Variants in CPXM2 observed in about 807,000 individuals in gnomAD.
CPXM2 encodes the protein inactive carboxypeptidase-like protein X2.
A neutral mutation model predicts 86.1 loss-of-function variants in CPXM2; 66 were observed. That is an observed-to-expected ratio of 0.77 (90% CI 0.63 to 0.94). The LOEUF (loss-of-function observed/expected upper bound fraction) is 0.94. Among genes scored for constraint, CPXM2 ranks in the 40% least tolerant of loss-of-function variants. The pLI is 0.00. For missense variants in CPXM2, 948 were observed against 1,026.3 expected (o/e 0.92, Z 1.04); for synonymous variants, 388 against 400.2 (o/e 0.97, Z 0.36).
chr10:123,790,067 A>G (rs1847171315), intron 6 of CPXM2, among the ~76,000 whole-genome samples: 1 of 152,110 alleles, frequency 6.6e-6, no homozygotes, highest in Non-Finnish European at 1.5e-5. Flanking sequence ...GCAGTGAGCC[A>G]AGATCGCACC....
chr10:123,868,135 ACCC>A, intron 2 of CPXM2, among the ~76,000 whole-genome samples: 1 of 152,160 alleles, frequency 6.6e-6, no homozygotes, highest in South Asian at 2.1e-4. Context: ...TGTCAGCCCC[ACCC>A]TGGGCTGGCA....
chr10:123,752,459 A>C (rs1311066130), intron 13 of CPXM2: 19 of 985,262 alleles, frequency 1.9e-5, no homozygotes, highest in Non-Finnish European at 2.0e-5. Context: ...GTGGCATTTT[A>C]GACACATTTC....
chr10:123,928,899 G>A lies in CPXM2; in HGVS notation n.174+10578C>T, dbSNP rs1337029018. Among the ~76,000 whole-genome samples the A allele has an allele frequency of 5.3e-5, 8 of 152,340 alleles. 1 individual carries two copies. In the South Asian group the frequency reaches 1.7e-3, roughly 32 times the overall value. On this transcript the variant is annotated intron_variant and non_coding_transcript_variant, in intron 2 of 19. Coordinates refer to the CPXM2 transcript ENST00000368854. ...CCGTTGAAAAATATACTTGGTTTAT[G>A]CCACTAAGTTTGAGGTGGTTTATTA...
chr10:123,880,145 T>TTGGGGGGCCCCCCCC, intron 2 of CPXM2, 66 bp downstream of exon 2: 3 of 407,580 alleles, frequency 7.4e-6, no homozygotes, highest in East Asian at 4.9e-5. Flanking sequence ...CAGGGGCCTG[T>TTGGGGGGCCCCCCCC]ACCCACCCAC....
Position 123,891,729 on chromosome 10 carries a change from A to G in CPXM2, c.-70T>C. The stretch of plus-strand genomic sequence containing the variant: ...GCGCCGGGCGGGCTGCGGGCGCAGA[A>G]GCTGGCGCGGGGCAAGGGCGCAGGG... On this transcript the variant is annotated 5_prime_UTR_variant, in exon 1 of 14. Transcript: ENST00000241305. The surrounding 1 kb of genome is among the most constrained non-coding windows in gnomAD (Gnocchi z 5.6). The G allele has an allele frequency of 3.3e-6, 4 of 1,221,176 alleles. No homozygotes were observed. The highest frequency in any genetic ancestry group is 4.2e-6 in the Non-Finnish European group (4 of 955,826). The allele number at this position is 1,221,176 out of a possible 1,614,324, so 75.6% of individuals were successfully genotyped here. A position where few individuals can be genotyped will look rare whatever the true frequency, so the allele number is the denominator to read the frequency against.
At chr10:123,806,641 G>A (rs1004235864) in intron 4 of CPXM2, among the ~76,000 whole-genome samples, 13 of 152,156 alleles carry the variant, frequency 8.5e-5, no homozygotes, top group Non-Finnish European at 1.6e-4. Flanking sequence ...AAGGAAAGAT[G>A]TTTAGTTGGC....
intron 9 of CPXM2, among the ~76,000 whole-genome samples, chr10:123,767,741 G>T (rs1017935869): frequency 1.3e-5 from 2 of 152,018 alleles, no homozygotes; most frequent in African/African-American, 4.8e-5. Context: ...ACATAATTCT[G>T]TACATATGCA....
chr10:123,870,420 A>G (rs1944873711), intron 2 of CPXM2, among the ~76,000 whole-genome samples: 1 of 152,192 alleles, frequency 6.6e-6, no homozygotes, highest in South Asian at 2.1e-4. Flanking sequence ...GCTGCCAAGA[A>G]CAAACTCACA....
At chr10:123,767,847 G>A (rs1293330087) in intron 9 of CPXM2, among the ~76,000 whole-genome samples, 1 of 152,134 alleles carries the variant, frequency 6.6e-6, no homozygotes, top group Non-Finnish European at 1.5e-5. Flanking sequence ...ACTATCCTCA[G>A]AAGACTGATG....
rs998223845 is a variant in CPXM2 at position 123,828,940 on chromosome 10, T to C, written c.653+13409A>G. Among the ~76,000 whole-genome samples, 4 of 152,250 alleles carry C rather than the reference T, an allele frequency of 2.6e-5. 1 individual carries two copies. The highest frequency in any genetic ancestry group is 2.4e-5 in the African/African-American group (1 of 41,550). On this transcript the variant is annotated intron_variant, in intron 4 of 13. Coordinates refer to ENST00000241305, the MANE Select transcript of CPXM2 (RefSeq NM_198148.3). The stretch of plus-strand genomic sequence containing the variant: ...CCTAAGAAGACAGAAAGACAAAATA[T>C]TGACTGGGAGAAAATATTTACAAAC...
chr10:123,856,007 C>G (rs926688326), intron 3 of CPXM2, among the ~76,000 whole-genome samples: 3 of 152,178 alleles, frequency 2.0e-5, no homozygotes, highest in Admixed American at 2.0e-4. Context: ...CACAGAGTGC[C>G]AAACGACCGT....
chr10:123,913,878 C>T, intron 2 of CPXM2: 1 of 401,292 alleles, frequency 2.5e-6, no homozygotes, highest in Non-Finnish European at 5.0e-6. Context: ...TCAGGAGGCA[C>T]CCCCCTCCCA....
intron 2 of CPXM2, among the ~76,000 whole-genome samples, chr10:123,916,691 G>A (rs547312683): frequency 1.3e-5 from 2 of 152,104 alleles, no homozygotes; most frequent in Admixed American, 6.5e-5. Flanking sequence ...ATTAATGTTT[G>A]TTGGTTTGAT....
At chr10:123,902,161 A>G in intron 2 of CPXM2, among the ~76,000 whole-genome samples, 1 of 152,192 alleles carries the variant, frequency 6.6e-6, no homozygotes, top group East Asian at 1.9e-4. Context: ...TTTATATTTC[A>G]GTATATAAAG....
chr10:123,874,703 T>C (rs1248546114), intron 2 of CPXM2, among the ~76,000 whole-genome samples: 1 of 152,168 alleles, frequency 6.6e-6, no homozygotes, highest in East Asian at 1.9e-4. Flanking sequence ...GGAAACAGGA[T>C]AGATCACAGT....
At chr10:123,833,059 G>C (rs931248458) in intron 4 of CPXM2, among the ~76,000 whole-genome samples, 1 of 152,142 alleles carries the variant, frequency 6.6e-6, no homozygotes, top group Non-Finnish European at 1.5e-5. Flanking sequence ...CTTCGATCTT[G>C]GACTTCCTAA....
intron 4 of CPXM2, among the ~76,000 whole-genome samples, chr10:123,813,900 A>G (rs1264420710): frequency 1.3e-5 from 2 of 152,200 alleles, no homozygotes; most frequent in Admixed American, 6.5e-5. Flanking sequence ...CCTTTGGAGC[A>G]GATGTGTTGT....
chr10:123,885,884 A>G lies in CPXM2; in HGVS notation c.304+5472T>C, dbSNP rs546148670. ...TAGCAGCCATGGACACTTGAGGCAT[A>G]CAGAAAACACAGTGGCTATTTTTAA... On this transcript the variant is annotated intron_variant, in intron 1 of 13. Coordinates refer to ENST00000241305, the MANE Select transcript of CPXM2 (RefSeq NM_198148.3). The surrounding 1 kb of genome is among the most constrained non-coding windows in gnomAD (Gnocchi z 4.0). Among the ~76,000 whole-genome samples, 100 of 152,350 alleles carry G rather than the reference A, an allele frequency of 6.6e-4. No homozygotes were observed. The highest frequency in any genetic ancestry group is 1.2e-3 in the Non-Finnish European group (79 of 68,026).
chr10:123,914,096 G>A, intron 2 of CPXM2: 1 of 469,830 alleles, frequency 2.1e-6, no homozygotes, highest in East Asian at 6.3e-5. Flanking sequence ...CAATTTGGGA[G>A]GAGATCCAGC....
Sources: allele counts gnomAD v4.1 joint callset (sites outside exome capture counted in the v4.1 genomes callset), GRCh38; gene constraint gnomAD v4.1.1; non-coding constraint Gnocchi (gnomAD v3.1); transcripts MANE v1.5; gene names NCBI Gene and HGNC (gene_info 2026-07-23, HGNC 2026-07-21).